MSRA: variants seen among roughly 807,000 people sequenced by gnomAD.
The protein encoded by MSRA is mitochondrial peptide methionine sulfoxide reductase.
MSRA carries 54 observed loss-of-function variants against 31.3 expected under a neutral mutation model. That is an observed-to-expected ratio of 1.73 (90% CI 1.39 to 2.17). The LOEUF (loss-of-function observed/expected upper bound fraction) is 2.17. MSRA is among the 30% of genes most tolerant of loss of function. MSRA has a pLI of 0.00. For missense variants in MSRA, 507 were observed against 300.9 expected (o/e 1.69, Z -5.07); for synonymous variants, 169 against 116.5 (o/e 1.45, Z -2.90).
Position 10,245,016 on chromosome 8 carries a change from TC to T in MSRA, c.212-87del, listed in dbSNP as rs1169722992. On this transcript the variant is annotated intron_variant, in intron 2 of 5. Coordinates refer to ENST00000317173, the MANE Select transcript of MSRA (RefSeq NM_012331.5). ...AATGACAGGAGCAACTTTTTTTTTT[TC>T]TTCATGTAACAGGTGTATGTGGATG... 19 of 1,261,628 alleles carry T rather than the reference TC, an allele frequency of 1.5e-5. No individual in the cohort carries two copies. In the East Asian group the frequency reaches 3.2e-4, roughly 22 times the overall value. The allele number at this position is 1,261,628 out of a possible 1,614,324, so 78.2% of individuals were successfully genotyped here.
At chr8:10,327,030 C>T (rs948019572) in intron 5 of MSRA, among the ~76,000 whole-genome samples, 1 of 152,174 alleles carries the variant, frequency 6.6e-6, no homozygotes, top group African/African-American at 2.4e-5. Flanking sequence ...CTCCTTCTGC[C>T]AGCTCTTCAA....
intron 1 of MSRA, among the ~76,000 whole-genome samples, chr8:10,166,842 A>T (rs1168027122): frequency 6.6e-6 from 1 of 151,978 alleles, no homozygotes; most frequent in African/African-American, 2.4e-5. Context: ...CAGAATTGCA[A>T]CCCTGGAAGC....
intron 2 of MSRA, among the ~76,000 whole-genome samples, chr8:10,242,041 G>C (rs1252988471): frequency 6.6e-6 from 1 of 152,194 alleles, no homozygotes; most frequent in African/African-American, 2.4e-5. Context: ...GGAGGCGGAG[G>C]GGGGCAGATC....
intron 1 of MSRA, among the ~76,000 whole-genome samples, chr8:10,173,284 C>T (rs898991079): frequency 6.6e-6 from 1 of 152,190 alleles, no homozygotes; most frequent in African/African-American, 2.4e-5. Context: ...TGTTCTCTGC[C>T]ATGTAAAAGA....
intron 2 of MSRA, among the ~76,000 whole-genome samples, chr8:10,229,435 C>T (rs1448198067): frequency 1.3e-5 from 2 of 152,102 alleles, no homozygotes; most frequent in Non-Finnish European, 2.9e-5. Context: ...CAGTATGGTA[C>T]GTTTCATCTG....
intron 3 of MSRA, among the ~76,000 whole-genome samples, chr8:10,287,088 C>T (rs1799977308): frequency 6.6e-6 from 1 of 152,144 alleles, no homozygotes; most frequent in South Asian, 2.1e-4. Context: ...TGTCTTGGGG[C>T]TCCTACATTA....
At chr8:10,210,115 T>C (rs1338389591) in intron 2 of MSRA, among the ~76,000 whole-genome samples, 1 of 152,170 alleles carries the variant, frequency 6.6e-6, no homozygotes, top group Non-Finnish European at 1.5e-5. Flanking sequence ...CTGGGTTGTT[T>C]ATCACTGCAA....
chr8:10,111,509 A>G (rs1026405345), intron 1 of MSRA, among the ~76,000 whole-genome samples: 1 of 152,162 alleles, frequency 6.6e-6, no homozygotes, highest in African/African-American at 2.4e-5. Context: ...TCACTCCTGC[A>G]GTAAGGGAAT....
At chr8:10,397,945 T>C (rs974818692) in intron 5 of MSRA, among the ~76,000 whole-genome samples, 2 of 152,214 alleles carry the variant, frequency 1.3e-5, no homozygotes, top group Non-Finnish European at 2.9e-5. Flanking sequence ...CCTCTCTTGT[T>C]AATGTGAAAA....
At chr8:10,349,320 A>G (rs960745530) in intron 5 of MSRA, among the ~76,000 whole-genome samples, 3 of 152,102 alleles carry the variant, frequency 2.0e-5, no homozygotes, top group African/African-American at 7.2e-5. Context: ...AATGCAGTGA[A>G]CTGGGTTTCT....
chr8:10,262,227 A>C (rs1451946580), intron 3 of MSRA, among the ~76,000 whole-genome samples: 1 of 152,228 alleles, frequency 6.6e-6, no homozygotes, highest in Non-Finnish European at 1.5e-5. Flanking sequence ...TTTTTAACTC[A>C]TTTGGACAAA....
At chr8:10,427,017 A>G (rs1809216262) in intron 5 of MSRA, among the ~76,000 whole-genome samples, 1 of 142,274 alleles carries the variant, frequency 7.0e-6, no homozygotes, top group African/African-American at 2.6e-5. Context: ...GATGCAGGAA[A>G]TAAGTGACGT....
intron 1 of MSRA, among the ~76,000 whole-genome samples, chr8:10,085,969 G>GT (rs1457311407): frequency 6.6e-6 from 1 of 152,090 alleles, no homozygotes; most frequent in Non-Finnish European, 1.5e-5. Flanking sequence ...CTTGCTGCTG[G>GT]GTGTTCAGAT....
At chr8:10,087,370 C>G (rs1458815894) in intron 1 of MSRA, among the ~76,000 whole-genome samples, 1 of 152,182 alleles carries the variant, frequency 6.6e-6, no homozygotes, top group Non-Finnish European at 1.5e-5. Flanking sequence ...TCTGTCTGTC[C>G]TGAGCTCCAT....
chr8:10,389,740 C>CTTTTTTTTTTTTTTTTTTTAATTTTTTTT (rs35603997), intron 5 of MSRA, among the ~76,000 whole-genome samples: 1 of 109,290 alleles, frequency 9.1e-6, no homozygotes, highest in Non-Finnish European at 1.8e-5. Context: ...CAGAAGCTTG[C>CTTTTTTTTTTTTTTTTTTTAATTTTTTTT]TTTTTTTTTT....
chr8:10,055,576 C>G (rs913172605), intron 1 of MSRA, among the ~76,000 whole-genome samples: 29 of 152,344 alleles, frequency 1.9e-4, no homozygotes, highest in African/African-American at 6.3e-4. Context: ...GCCCAACAAT[C>G]TCTAAAACAA....
chr8:10,146,394 G>A (rs1322674729), intron 1 of MSRA, among the ~76,000 whole-genome samples: 1 of 152,170 alleles, frequency 6.6e-6, no homozygotes, highest in Non-Finnish European at 1.5e-5. Flanking sequence ...GCAGGGTGAG[G>A]TCTCGTCTGG....
intron 3 of MSRA, among the ~76,000 whole-genome samples, chr8:10,270,206 A>G (rs1163428303): frequency 2.0e-5 from 3 of 152,184 alleles, no homozygotes; most frequent in African/African-American, 7.2e-5. Context: ...CTGTCTTTGA[A>G]AGTTTTACTT....
At chr8:10,396,727 T>C (rs1807119836) in intron 5 of MSRA, among the ~76,000 whole-genome samples, 1 of 152,238 alleles carries the variant, frequency 6.6e-6, no homozygotes, top group Non-Finnish European at 1.5e-5. Flanking sequence ...CTCTTCTGTT[T>C]CTGTTTTTCC....
Sources: gnomAD v4.1 joint callset for allele counts (sites outside exome capture counted in the v4.1 genomes callset) on GRCh38, gnomAD v4.1.1 for gene constraint, MANE v1.5 for transcripts, NCBI Gene and HGNC (gene_info 2026-07-23, HGNC 2026-07-21) for gene names.